The following ZNF385D variants were observed in gnomAD, a reference collection of about 807,000 sequenced individuals.
ZNF385D encodes the protein zinc finger protein 385D, also known as zinc finger protein 659.
ZNF385D carries 15 observed loss-of-function variants against 35.8 expected under a neutral mutation model. That is an observed-to-expected ratio of 0.42 (90% CI 0.28 to 0.64). The LOEUF is 0.64. Ranked by LOEUF, ZNF385D falls within the 30% of genes least tolerant of loss-of-function variation. The pLI, the probability that ZNF385D is intolerant of heterozygous loss-of-function variation, is 0.23. For synonymous variants in ZNF385D, 212 were observed against 186.8 expected, an observed-to-expected ratio of 1.13 and a Z score of -1.10; for missense variants, 474 against 494.6, an observed-to-expected ratio of 0.96 and a Z score of 0.39.
intron 2 of ZNF385D, among the ~76,000 whole-genome samples, chr3:21,628,128 T>C (rs150114456): frequency 6.6e-6 from 1 of 152,132 alleles, no homozygotes; most frequent in African/African-American, 2.4e-5. Context: ...TGCTACTGAT[T>C]GTTAAAAGTT....
intron 2 of ZNF385D, among the ~76,000 whole-genome samples, chr3:22,287,150 G>GT (rs564974728): frequency 6.6e-6 from 1 of 151,814 alleles, no homozygotes; most frequent in South Asian, 2.1e-4. Flanking sequence ...TTTTGTGACA[G>GT]TTTTTTTACT....
intron 1 of ZNF385D, among the ~76,000 whole-genome samples, chr3:21,737,886 A>G (rs2069322960): frequency 6.6e-6 from 1 of 152,216 alleles, no homozygotes; most frequent in African/African-American, 2.4e-5. Context: ...GCACAAACTC[A>G]CACAGGTAAA....
intron 3 of ZNF385D, among the ~76,000 whole-genome samples, chr3:21,803,494 T>C (rs1377998279): frequency 6.6e-6 from 1 of 152,194 alleles, no homozygotes; most frequent in Admixed American, 6.6e-5. Context: ...CTAAATATTC[T>C]GTAATAAAAT....
intron 3 of ZNF385D, among the ~76,000 whole-genome samples, chr3:21,555,584 G>A (rs1397184572): frequency 3.3e-5 from 5 of 152,064 alleles, no homozygotes; most frequent in East Asian, 1.9e-4. Flanking sequence ...TGGTGTATAC[G>A]TGCCACATTT....
At chr3:21,477,784 C>T (rs1486782948) in intron 4 of ZNF385D, among the ~76,000 whole-genome samples, 1 of 152,128 alleles carries the variant, frequency 6.6e-6, no homozygotes, top group Non-Finnish European at 1.5e-5. Context: ...CCAAAGCAAA[C>T]ATTTTCTTTA....
chr3:22,363,445 G>C (rs2125516010), intron 2 of ZNF385D, among the ~76,000 whole-genome samples: 1 of 152,230 alleles, frequency 6.6e-6, no homozygotes, highest in East Asian at 1.9e-4. Flanking sequence ...GGACAAGGAG[G>C]CATCCAATAA....
intron 4 of ZNF385D, among the ~76,000 whole-genome samples, chr3:21,505,624 T>TGG (rs1559356127): frequency 1.3e-5 from 2 of 152,112 alleles, no homozygotes; most frequent in Non-Finnish European, 2.9e-5. Flanking sequence ...AAGCCATAAC[T>TGG]ACAGCCTTGA....
At chr3:21,797,227 GAA>G (rs2072194369) in intron 3 of ZNF385D, among the ~76,000 whole-genome samples, 2 of 152,172 alleles carry the variant, frequency 1.3e-5, no homozygotes, top group South Asian at 4.1e-4. Context: ...ATAAGCCAAT[GAA>G]AAGATTCTTC....
intron 3 of ZNF385D, among the ~76,000 whole-genome samples, chr3:21,802,969 G>A (rs1393824963): frequency 1.3e-5 from 2 of 152,292 alleles, no homozygotes; most frequent in African/African-American, 2.4e-5. Context: ...AGAGAAGAAC[G>A]AGTGGAAATT....
In ZNF385D at chr3:21,901,107, G is replaced by T. The variant is rs190717816; in HGVS notation, c.326-236079C>A. 1.6e-4 allele frequency among the ~76,000 whole-genome samples: 25 copies of T among 152,258 alleles called. 1 individual carries two copies. Among genetic ancestry groups the T allele is most frequent in the Non-Finnish European group, 4.4e-5 (3 of 68,018 alleles). On this transcript the variant is annotated intron_variant, in intron 3 of 5. Coordinates refer to the ZNF385D transcript ENST00000494108. The stretch of plus-strand genomic sequence containing the variant: ...AGCAAGTGCTGCGCTAAGCAAATTG[G>T]CTGCATTATTTTATTTAATTCTCAA...
intron 3 of ZNF385D, among the ~76,000 whole-genome samples, chr3:21,818,826 A>G (rs937623006): frequency 4.6e-5 from 7 of 152,000 alleles, no homozygotes; most frequent in African/African-American, 1.7e-4. Flanking sequence ...ATGAAACATC[A>G]TTTCAGGTTG....
At chr3:22,183,571 T>C (rs1361409127) in intron 2 of ZNF385D, among the ~76,000 whole-genome samples, 4 of 152,170 alleles carry the variant, frequency 2.6e-5, no homozygotes, top group African/African-American at 9.7e-5. Flanking sequence ...TTGGCCAGGC[T>C]AGTCTCAAAC....
At chr3:22,290,774 G>C (rs183017864) in intron 2 of ZNF385D, among the ~76,000 whole-genome samples, 19 of 152,228 alleles carry the variant, frequency 1.2e-4, no homozygotes, top group African/African-American at 4.3e-4. Context: ...TCTGTGTGTA[G>C]ATGTTTATTT....
intron 3 of ZNF385D, among the ~76,000 whole-genome samples, chr3:22,059,505 T>C (rs956580905): frequency 6.6e-6 from 1 of 152,178 alleles, no homozygotes. Flanking sequence ...GTGACAGACG[T>C]ATCTTTCTTT....
intron 2 of ZNF385D, among the ~76,000 whole-genome samples, chr3:22,311,736 TCTC>T (rs1248677199): frequency 1.3e-5 from 2 of 152,104 alleles, no homozygotes; most frequent in African/African-American, 2.4e-5. Context: ...CATGCTTTGC[TCTC>T]CTATTACGAC....
At chr3:21,933,408 T>A (rs562458067) in intron 3 of ZNF385D, among the ~76,000 whole-genome samples, 77 of 152,276 alleles carry the variant, frequency 5.1e-4, no homozygotes, top group African/African-American at 1.8e-3. Context: ...TGAGCTAGTT[T>A]AAAATATTAA....
At chr3:21,563,343 T>G (rs937137729) in intron 3 of ZNF385D, 2 of 152,340 alleles carry the variant, frequency 1.3e-5, no homozygotes, top group African/African-American at 4.8e-5. Context: ...TTGTTTATAA[T>G]CTACTCAGTT....
At chr3:21,520,282 A>G (rs1435615425) in intron 3 of ZNF385D, among the ~76,000 whole-genome samples, 1 of 152,232 alleles carries the variant, frequency 6.6e-6, no homozygotes, top group Non-Finnish European at 1.5e-5. Flanking sequence ...TGTTTCTCCT[A>G]ACAGAGAGTG....
chr3:21,732,159 C>T (rs1335795247), intron 1 of ZNF385D, among the ~76,000 whole-genome samples: 2 of 148,750 alleles, frequency 1.3e-5, no homozygotes, highest in African/African-American at 4.9e-5. Flanking sequence ...AAGTGATTCT[C>T]CTGCCTCAGC....
Sources: gnomAD v4.1 joint callset for allele counts (sites outside exome capture counted in the v4.1 genomes callset) on GRCh38, gnomAD v4.1.1 for gene constraint, MANE v1.5 for transcripts, NCBI Gene and HGNC (gene_info 2026-07-23, HGNC 2026-07-21) for gene names.